FAF1: variants seen among roughly 807,000 people sequenced by gnomAD.
FAF1 encodes the protein Fas associated factor 1, also known as FAS-associated factor 1.
FAF1 carries 25 observed loss-of-function variants against 92.5 expected under a neutral mutation model. The observed-to-expected ratio is 0.27, with a 90% CI of 0.20 to 0.38. The LOEUF is 0.38. FAF1 is among the 10% of genes least tolerant of loss of function. The pLI is 1.00. For missense variants in FAF1, 636 were observed against 793.3 expected, an observed-to-expected ratio of 0.80 and a Z score of 2.38; for synonymous variants, 234 against 273.2, an observed-to-expected ratio of 0.86 and a Z score of 1.42.
At chr1:50,938,157 C>A (rs1238860401) in intron 1 of FAF1, among the ~76,000 whole-genome samples, 1 of 152,198 alleles carries the variant, frequency 6.6e-6, no homozygotes, top group African/African-American at 2.4e-5. Flanking sequence ...TCTGGTTAGG[C>A]AAGCTCAGAA....
intron 18 of FAF1, among the ~76,000 whole-genome samples, chr1:50,463,033 C>G (rs1011986608): frequency 4.6e-5 from 7 of 152,188 alleles, no homozygotes; most frequent in Non-Finnish European, 1.0e-4. Flanking sequence ...ATTCCCAGAA[C>G]TGATAAGAGT....
chr1:50,954,525 A>T (rs1645248025), intron 1 of FAF1, among the ~76,000 whole-genome samples: 1 of 141,612 alleles, frequency 7.1e-6, no homozygotes, highest in Non-Finnish European at 1.5e-5. Context: ...AACAATAAAA[A>T]AATAAAAAAT....
At chr1:50,818,123 C>T (rs901592044) in intron 2 of FAF1, among the ~76,000 whole-genome samples, 6 of 152,232 alleles carry the variant, frequency 3.9e-5, no homozygotes, top group African/African-American at 1.4e-4. Flanking sequence ...TCAAATTTTA[C>T]AGTGGAAATG....
At chr1:50,472,424 A>AG (rs1553216761) in intron 18 of FAF1, among the ~76,000 whole-genome samples, 1 of 96,080 alleles carries the variant, frequency 1.0e-5, no homozygotes, top group Non-Finnish European at 2.3e-5. Context: ...CACACACACA[A>AG]ACCCCAAAAC....
At chr1:50,553,387 G>C (rs1182087473) in intron 13 of FAF1, among the ~76,000 whole-genome samples, 1 of 152,212 alleles carries the variant, frequency 6.6e-6, no homozygotes, top group African/African-American at 2.4e-5. Context: ...CAGGAGTAGA[G>C]ATGATAAGGA....
At chr1:50,729,052 A>AT (rs1490540715) in intron 6 of FAF1, among the ~76,000 whole-genome samples, 7 of 97,924 alleles carry the variant, frequency 7.1e-5, no homozygotes, top group African/African-American at 2.6e-4. Context: ...ATATATATAT[A>AT]TATATATTTT....
At chr1:50,779,575 T>C (rs184053619) in intron 4 of FAF1, among the ~76,000 whole-genome samples, 110 of 151,484 alleles carry the variant, frequency 7.3e-4, no homozygotes, top group African/African-American at 2.5e-3. Context: ...GAGATAAATA[T>C]AGAAAATTAT....
intron 15 of FAF1, among the ~76,000 whole-genome samples, chr1:50,511,536 T>C (rs1476838152): frequency 6.6e-6 from 1 of 152,200 alleles, no homozygotes; most frequent in Non-Finnish European, 1.5e-5. Flanking sequence ...CTGAGAATGA[T>C]GGCTTCCAGC....
intron 3 of FAF1, among the ~76,000 whole-genome samples, chr1:50,801,414 A>C (rs1661983804): frequency 6.6e-6 from 1 of 152,248 alleles, no homozygotes; most frequent in African/African-American, 2.4e-5. Flanking sequence ...ACCACCTTAA[A>C]AGATGGTGTT....
intron 4 of FAF1, among the ~76,000 whole-genome samples, chr1:50,773,321 C>T (rs937530130): frequency 3.3e-5 from 5 of 152,154 alleles, no homozygotes; most frequent in African/African-American, 4.8e-5. Flanking sequence ...CCAGCCATCC[C>T]ACTTCTGAGT....
chr1:50,574,519 T>C (rs764670818), intron 12 of FAF1, among the ~76,000 whole-genome samples: 147 of 152,248 alleles, frequency 9.7e-4, no homozygotes, highest in Middle Eastern at 3.4e-3. Flanking sequence ...TGGGGAGGGA[T>C]AACACTACTC....
Position 50,606,050 on chromosome 1 carries a change from GT to G in FAF1, c.745-9835del, listed in dbSNP as rs1423141013. Among the ~76,000 whole-genome samples the G allele has an allele frequency of 5.9e-5, 9 of 152,196 alleles. No homozygotes were observed. In the East Asian group the frequency reaches 1.7e-3, roughly 29 times the overall value. ...TTTGTTGACAGCAATAAAGAGATAA[GT>G]GAAAAAATATGTAGCATAGTGGACT... On this transcript the variant is annotated intron_variant, in intron 8 of 18. Transcript: ENST00000396153.
At chr1:50,548,263 G>A (rs1271084067) in intron 13 of FAF1, among the ~76,000 whole-genome samples, 1 of 152,128 alleles carries the variant, frequency 6.6e-6, no homozygotes, top group Non-Finnish European at 1.5e-5. Flanking sequence ...ATGTAATCTA[G>A]TATATTACTG....
At chr1:50,871,356 A>G (rs1212954852) in intron 1 of FAF1, among the ~76,000 whole-genome samples, 1 of 152,252 alleles carries the variant, frequency 6.6e-6, no homozygotes, top group Non-Finnish European at 1.5e-5. Context: ...TTCTATGTGG[A>G]TAAAACAGCC....
intron 7 of FAF1, among the ~76,000 whole-genome samples, chr1:50,686,283 C>A (rs1656652422): frequency 6.6e-6 from 1 of 152,106 alleles, no homozygotes; most frequent in African/African-American, 2.4e-5. Context: ...TGGCTCATAC[C>A]TGTAATCCCA....
intron 15 of FAF1, among the ~76,000 whole-genome samples, chr1:50,517,414 C>T (rs1349143259): frequency 5.3e-5 from 8 of 152,176 alleles, no homozygotes; most frequent in Admixed American, 3.3e-4. Flanking sequence ...TCTAAAGTTC[C>T]TTTCAGATAA....
intron 6 of FAF1, among the ~76,000 whole-genome samples, chr1:50,733,330 C>T (rs1209873512): frequency 6.6e-6 from 1 of 152,200 alleles, no homozygotes; most frequent in Non-Finnish European, 1.5e-5. Context: ...TGTTCTCCAT[C>T]TGTCTCCAAT....
At chr1:50,649,796 A>G (rs1006842728) in intron 8 of FAF1, among the ~76,000 whole-genome samples, 7 of 151,268 alleles carry the variant, frequency 4.6e-5, no homozygotes, top group South Asian at 2.1e-4. Flanking sequence ...AAAAAAAAAA[A>G]AAAAAGAAAA....
intron 18 of FAF1, among the ~76,000 whole-genome samples, chr1:50,461,193 GAAT>G (rs1646425049): frequency 6.6e-6 from 1 of 152,138 alleles, no homozygotes; most frequent in African/African-American, 2.4e-5. Context: ...ACAGCCTATA[GAAT>G]AATATTCTAA....
Sources: gnomAD v4.1 joint callset for allele counts (sites outside exome capture counted in the v4.1 genomes callset) on GRCh38, gnomAD v4.1.1 for gene constraint, MANE v1.5 for transcripts, NCBI Gene and HGNC (gene_info 2026-07-23, HGNC 2026-07-21) for gene names.